Variants in FUT9 observed in about 807,000 individuals in gnomAD.
FUT9 encodes the protein 4-galactosyl-N-acetylglucosaminide 3-alpha-L-fucosyltransferase 9.
A neutral mutation model predicts 29.7 loss-of-function variants in FUT9; 15 were observed. That is an observed-to-expected ratio of 0.51 (90% CI 0.34 to 0.78). The LOEUF (loss-of-function observed/expected upper bound fraction) is 0.78. Among genes scored for constraint, FUT9 ranks in the 30% least tolerant of loss-of-function variants. The pLI, the probability that FUT9 is intolerant of heterozygous loss-of-function variation, is 0.01. For synonymous variants in FUT9, 169 were observed against 153.7 expected (o/e 1.10, Z -0.74); for missense variants, 319 against 425.4 (o/e 0.75, Z 2.20).
chr6:96,215,600 C>T lies in FUT9; in HGVS notation c.*11365C>T. On this transcript the variant is annotated 3_prime_UTR_variant, in exon 3 of 3. Coordinates refer to ENST00000302103, the MANE Select transcript of FUT9 (RefSeq NM_006581.4). ...TGTGAATATTTAAAATAAAAGAATT[C>T]AATTTAAATGTATACTAGCTAGTGC... 1 of 165,232 alleles carries T rather than the reference C, an allele frequency of 6.1e-6. No homozygotes were observed. The allele number at this position is 165,232 out of a possible 1,614,324, so 10.2% of individuals were successfully genotyped here.
At chr6:96,096,790 C>G (rs1370935104) in intron 1 of FUT9, among the ~76,000 whole-genome samples, 1 of 151,744 alleles carries the variant, frequency 6.6e-6, no homozygotes, top group Non-Finnish European at 1.5e-5. Flanking sequence ...CCACTCTACC[C>G]CAGCCCCTTT....
At chr6:96,045,508 T>C (rs1770547295) in intron 1 of FUT9, among the ~76,000 whole-genome samples, 1 of 152,226 alleles carries the variant, frequency 6.6e-6, no homozygotes, top group African/African-American at 2.4e-5. Context: ...CTCTCTTTAT[T>C]AAAAATGAAT....
At position 96,203,975 on chromosome 6, in the gene FUT9, A is replaced by G; in HGVS notation, c.820A>G (p.Arg274Gly). ...GSVPVVLGPS[R>G]ENYENYIPAD... ...TGTACCTGTTGTTCTGGGACCATCT[A>G]GGGAAAACTATGAGAATTATATTCC... is the stretch of plus-strand genomic sequence containing the variant. Residue 274 changes from arginine to glycine, a missense_variant, in exon 3 of 3, where the codon AGG becomes GGG. Physicochemically the swap from Arg to Gly is moderately radical, Grantham distance 125 (BLOSUM62 -2). Coordinates refer to ENST00000302103, the MANE Select transcript of FUT9 (RefSeq NM_006581.4). 1 of 1,613,386 alleles carries G rather than the reference A, an allele frequency of 6.2e-7. No homozygotes were observed. Among genetic ancestry groups the G allele is most frequent in the South Asian group, 1.1e-5 (1 of 91,046 alleles).
At chr6:96,102,173 GTTGT>G (rs1234422978) in intron 1 of FUT9, among the ~76,000 whole-genome samples, 6 of 151,808 alleles carry the variant, frequency 4.0e-5, no homozygotes, top group Admixed American at 6.6e-5. Flanking sequence ...TTGAGAGATC[GTTGT>G]TTATTTCTTA....
chr6:96,153,097 C>T (rs552647055), intron 2 of FUT9, among the ~76,000 whole-genome samples: 66 of 152,230 alleles, frequency 4.3e-4, no homozygotes, highest in African/African-American at 1.6e-3. Flanking sequence ...AACATCCTTC[C>T]ATTTCTCCTG....
At chr6:96,080,345 A>T (rs1193831950) in intron 1 of FUT9, among the ~76,000 whole-genome samples, 1 of 151,990 alleles carries the variant, frequency 6.6e-6, no homozygotes, top group South Asian at 2.1e-4. Flanking sequence ...ATTTTAGTAG[A>T]CTTTACATAA....
chr6:96,118,743 C>T (rs914422183), intron 2 of FUT9, among the ~76,000 whole-genome samples: 8 of 152,088 alleles, frequency 5.3e-5, no homozygotes, highest in African/African-American at 1.9e-4. Flanking sequence ...GGTCCATGCA[C>T]GTTATTGCCC....
chr6:96,110,829 A>ATTTATTTATTTATTTATTTG (rs1771792656), intron 1 of FUT9, among the ~76,000 whole-genome samples: 2 of 151,016 alleles, frequency 1.3e-5, no homozygotes, highest in Non-Finnish European at 2.9e-5. Context: ...TTATTTATTT[A>ATTTATTTATTTATTTATTTG]TTTATTTATT....
chr6:96,083,951 T>C (rs1456681267), intron 1 of FUT9, among the ~76,000 whole-genome samples: 1 of 151,998 alleles, frequency 6.6e-6, no homozygotes, highest in Non-Finnish European at 1.5e-5. Context: ...ATAGAAAAGG[T>C]GAACATTAAT....
chr6:96,138,368 G>T (rs1158191980), intron 2 of FUT9, among the ~76,000 whole-genome samples: 1 of 151,412 alleles, frequency 6.6e-6, no homozygotes, highest in African/African-American at 2.4e-5. Flanking sequence ...TTTTTTCTTT[G>T]TTTTACTGTA....
chr6:96,157,348 G>T (rs572050423), intron 2 of FUT9, among the ~76,000 whole-genome samples: 95 of 152,268 alleles, frequency 6.2e-4, no homozygotes, highest in African/African-American at 2.2e-3. Context: ...AGTATTAAAT[G>T]CGGTAAACTG....
chr6:96,168,644 A>C (rs180788836), intron 2 of FUT9, among the ~76,000 whole-genome samples: 19 of 152,344 alleles, frequency 1.2e-4, no homozygotes, highest in African/African-American at 4.6e-4. Context: ...TAGGAATAGA[A>C]GTAGAAAAAG....
intron 2 of FUT9, among the ~76,000 whole-genome samples, chr6:96,134,665 A>T (rs920594595): frequency 2.0e-5 from 3 of 151,886 alleles, no homozygotes; most frequent in African/African-American, 7.2e-5. Context: ...CCCACGAAAC[A>T]GATACATCAT....
At position 96,205,251 on chromosome 6, in the gene FUT9, A is replaced by G. The variant is rs1042317981; in HGVS notation, c.*1016A>G. On this transcript the variant is annotated 3_prime_UTR_variant, in exon 3 of 3. Coordinates refer to ENST00000302103, the MANE Select transcript of FUT9 (RefSeq NM_006581.4). ...TTCTATCATTTAAGAGAGCCTAAAT[A>G]AAATTATCATCAAGGTATTAAATAT... 2 of 167,058 alleles carry G rather than the reference A, an allele frequency of 1.2e-5. No individual in the cohort carries two copies. Among genetic ancestry groups the G allele is most frequent in the African/African-American group, 4.8e-5 (2 of 41,458 alleles). 10.3% of individuals were successfully genotyped at this position (167,058 alleles called of 1,614,324 possible). A position where few individuals can be genotyped will look rare whatever the true frequency, so the allele number is the denominator to read the frequency against.
chr6:96,108,806 C>T (rs1397805284), intron 1 of FUT9, among the ~76,000 whole-genome samples: 1 of 151,926 alleles, frequency 6.6e-6, no homozygotes, highest in South Asian at 2.1e-4. Flanking sequence ...ACATTGTACC[C>T]GAAGCCAGAC....
chr6:96,129,468 T>TA (rs1772202493), intron 2 of FUT9, among the ~76,000 whole-genome samples: 2 of 151,354 alleles, frequency 1.3e-5, no homozygotes, highest in African/African-American at 2.4e-5. Context: ...AAAATAAAAA[T>TA]AAAAAATAAA....
intron 1 of FUT9, among the ~76,000 whole-genome samples, chr6:96,096,821 G>A (rs1392389077): frequency 1.3e-5 from 2 of 151,648 alleles, no homozygotes; most frequent in African/African-American, 2.4e-5. Flanking sequence ...TTTTTTCACT[G>A]GAGCTCAAAA....
intron 2 of FUT9, among the ~76,000 whole-genome samples, chr6:96,115,803 T>C (rs1259552915): frequency 6.6e-6 from 1 of 152,160 alleles, no homozygotes; most frequent in Non-Finnish European, 1.5e-5. Flanking sequence ...CCCATGTTTA[T>C]GAGAAATTAT....
intron 1 of FUT9, among the ~76,000 whole-genome samples, chr6:96,030,956 A>T (rs535626479): frequency 6.6e-6 from 1 of 151,704 alleles, no homozygotes; most frequent in South Asian, 2.1e-4. Context: ...TTTTAAAATG[A>T]CAAGAAGTAA....
Sources: allele counts gnomAD v4.1 joint callset (sites outside exome capture counted in the v4.1 genomes callset), GRCh38; gene constraint gnomAD v4.1.1; transcripts MANE v1.5; gene names NCBI Gene and HGNC (gene_info 2026-07-23, HGNC 2026-07-21).